Variants in DSCAM observed in about 807,000 individuals in gnomAD.
DSCAM encodes the protein cell adhesion molecule DSCAM.
In DSCAM, 47 loss-of-function variants were observed where a neutral mutation model predicts 217.7. The observed-to-expected ratio is 0.22, with a 90% CI of 0.17 to 0.28. The LOEUF (loss-of-function observed/expected upper bound fraction) is 0.28, where lower values mean the gene tolerates loss of function less well. DSCAM is among the 10% of genes least tolerant of loss of function. The probability of loss-of-function intolerance (pLI) is 1.00; values close to 1 mark genes in which losing one functional copy is unlikely to be tolerated. For synonymous variants in DSCAM, 1,056 were observed against 1,015.3 expected (o/e 1.04, Z -0.76); for missense variants, 2,080 against 2,618.3 (o/e 0.79, Z 4.49).
chr21:40,332,693 T>C (rs2074389541), intron 8 of DSCAM, among the ~76,000 whole-genome samples: 1 of 152,212 alleles, frequency 6.6e-6, no homozygotes, highest in Non-Finnish European at 1.5e-5. Flanking sequence ...CTTTTACTTC[T>C]GCCTATATGT....
intron 3 of DSCAM, among the ~76,000 whole-genome samples, chr21:40,682,505 AAGAG>A (rs1568981288): frequency 1.3e-5 from 2 of 150,558 alleles, no homozygotes; most frequent in African/African-American, 4.9e-5. Flanking sequence ...ACCCCAAAGA[AAGAG>A]AGAAAGAGAG....
At chr21:40,741,264 T>G (rs1048604579) in intron 1 of DSCAM, among the ~76,000 whole-genome samples, 2 of 152,214 alleles carry the variant, frequency 1.3e-5, no homozygotes, top group African/African-American at 4.8e-5. Flanking sequence ...CTTAAAAATG[T>G]CTACAGTGAA....
At chr21:40,423,469 C>T (rs1263432773) in intron 3 of DSCAM, among the ~76,000 whole-genome samples, 1 of 152,158 alleles carries the variant, frequency 6.6e-6, no homozygotes, top group Non-Finnish European at 1.5e-5. Context: ...TCGTCCTAAG[C>T]GAAGAGTCAT....
intron 11 of DSCAM, among the ~76,000 whole-genome samples, chr21:40,262,743 AG>A (rs2073470552): frequency 6.6e-6 from 1 of 152,190 alleles, no homozygotes; most frequent in Non-Finnish European, 1.5e-5. Flanking sequence ...CTTTGGCTGG[AG>A]GGCAGTGATA....
Position 40,301,812 on chromosome 21 carries a change from C to T in DSCAM, c.2063-5638G>A, listed in dbSNP as rs191503100. On this transcript the variant is annotated intron_variant, in intron 9 of 32. Coordinates refer to ENST00000400454, the MANE Select transcript of DSCAM (RefSeq NM_001389.5). ...ACTTCAGTTTTATAGACTAGGGAAA[C>T]GGAGCATGGCTAAGTTAATAACGCA... Among the ~76,000 whole-genome samples, 15 of 152,270 alleles carry T rather than the reference C, an allele frequency of 9.9e-5. No homozygotes were observed. In the East Asian group the frequency reaches 1.9e-3, roughly 20 times the overall value.
chr21:40,640,818 T>C (rs756105727), intron 3 of DSCAM, among the ~76,000 whole-genome samples: 8 of 151,770 alleles, frequency 5.3e-5, no homozygotes, highest in Admixed American at 2.6e-4. Context: ...CTTTCCTCTC[T>C]GCCACACTCA....
chr21:40,342,745 C>CT (rs1217476912), intron 6 of DSCAM, among the ~76,000 whole-genome samples: 17,936 of 67,082 alleles, frequency 0.27, 4,305 homozygotes, highest in Non-Finnish European at 0.3. Context: ...CACACCACGC[C>CT]TTTTTTTTTT....
chr21:40,337,547 T>C (rs1217927836), intron 8 of DSCAM, among the ~76,000 whole-genome samples: 4 of 152,126 alleles, frequency 2.6e-5, no homozygotes, highest in Admixed American at 1.3e-4. Context: ...TCTCTAAAGA[T>C]CATCCTGACA....
At chr21:40,286,464 G>A (rs77828544) in intron 10 of DSCAM, among the ~76,000 whole-genome samples, 3,351 of 152,286 alleles carry the variant, frequency 0.022, 112 homozygotes, top group African/African-American at 0.075. Flanking sequence ...ACCAGAACTT[G>A]GGGAGAAGCC....
At chr21:40,226,653 A>T (rs2091335451) in intron 11 of DSCAM, among the ~76,000 whole-genome samples, 1 of 152,192 alleles carries the variant, frequency 6.6e-6, no homozygotes, top group Non-Finnish European at 1.5e-5. Flanking sequence ...TAATGTTTAG[A>T]GACCTCTTTC....
intron 1 of DSCAM, among the ~76,000 whole-genome samples, chr21:40,796,118 C>T (rs751940232): frequency 6.6e-6 from 1 of 152,206 alleles, no homozygotes; most frequent in African/African-American, 2.4e-5. Context: ...AAAGTGTGTT[C>T]TTGTCCCAAC....
chr21:40,433,592 G>A (rs1488638283), intron 3 of DSCAM, among the ~76,000 whole-genome samples: 1 of 152,196 alleles, frequency 6.6e-6, no homozygotes, highest in African/African-American at 2.4e-5. Flanking sequence ...GATGGCAGAG[G>A]TAGGATTTAT....
intron 15 of DSCAM, among the ~76,000 whole-genome samples, chr21:40,170,494 C>T (rs2090645132): frequency 6.6e-6 from 1 of 152,196 alleles, no homozygotes; most frequent in African/African-American, 2.4e-5. Flanking sequence ...AATGCAAAGG[C>T]TCTGCTAGAA....
chr21:40,663,235 T>G (rs946286323), intron 3 of DSCAM, among the ~76,000 whole-genome samples: 5 of 126,572 alleles, frequency 4.0e-5, no homozygotes, highest in African/African-American at 1.5e-4. Flanking sequence ...GGGGGGAATA[T>G]AAGCATGTGA....
chr21:40,085,215 G>A (rs1410777138), intron 23 of DSCAM, among the ~76,000 whole-genome samples: 2 of 152,242 alleles, frequency 1.3e-5, no homozygotes, highest in Admixed American at 1.3e-4. Context: ...GAGTTAATTA[G>A]CATACAAAAA....
intron 3 of DSCAM, among the ~76,000 whole-genome samples, chr21:40,491,626 C>T (rs2076076790): frequency 6.6e-6 from 1 of 152,074 alleles, no homozygotes; most frequent in South Asian, 2.1e-4. Flanking sequence ...GTCCTACCTA[C>T]CCTCCTTCTA....
At chr21:40,291,908 C>A (rs1023197660) in intron 10 of DSCAM, among the ~76,000 whole-genome samples, 1 of 152,176 alleles carries the variant, frequency 6.6e-6, no homozygotes, top group African/African-American at 2.4e-5. Flanking sequence ...TATTCTCTCG[C>A]ATTTGCAGTC....
At position 40,052,041 on chromosome 21, in the gene DSCAM, G is replaced by T; in HGVS notation, c.5102C>A (p.Thr1701Lys). The T allele has an allele frequency of 6.2e-7, 1 of 1,614,160 alleles. No homozygotes were observed. Among genetic ancestry groups the T allele is most frequent in the Non-Finnish European group, 8.5e-7 (1 of 1,180,012 alleles). ...TTGGTAATGGACCGTGTGAGTGACC[G>T]TCAGGGACTTCTGCTTAGCTGCCTC... ...FGEAAKQKSL[T>K]VTHTVHYQSV... Residue 1701 changes from threonine (T) to lysine (K), a missense_variant, in exon 30 of 33, where the codon ACG becomes AAG. Coordinates refer to ENST00000400454, the MANE Select transcript of DSCAM (RefSeq NM_001389.5).
chr21:40,045,547 A>G (rs183241080), intron 30 of DSCAM, among the ~76,000 whole-genome samples: 61 of 152,312 alleles, frequency 4.0e-4, no homozygotes, highest in Middle Eastern at 3.4e-3. Flanking sequence ...CAGGTACCAG[A>G]ATGGGCTACA....
Sources: gnomAD v4.1 joint callset for allele counts (sites outside exome capture counted in the v4.1 genomes callset) on GRCh38, gnomAD v4.1.1 for gene constraint, MANE v1.5 for transcripts, NCBI Gene and HGNC (gene_info 2026-07-23, HGNC 2026-07-21) for gene names.